The following PCDH15 variants were observed in gnomAD, a reference collection of about 807,000 sequenced individuals.
The protein encoded by PCDH15 is protocadherin-15.
In PCDH15, 129 loss-of-function variants were observed where a neutral mutation model predicts 178.5. The ratio of observed to expected loss-of-function variants is 0.72; its 90% CI spans 0.63 to 0.84. The LOEUF is 0.84. Ranked by LOEUF, PCDH15 falls within the 40% of genes least tolerant of loss-of-function variation. The pLI, the probability that PCDH15 is intolerant of heterozygous loss-of-function variation, is 0.00. For synonymous variants in PCDH15, 800 were observed against 732.0 expected (o/e 1.09, Z -1.50); for missense variants, 2,230 against 2,099.9 (o/e 1.06, Z -1.21).
chr10:54,496,432 C>A (rs2080117846), intron 3 of PCDH15, among the ~76,000 whole-genome samples: 1 of 152,064 alleles, frequency 6.6e-6, no homozygotes, highest in African/African-American at 2.4e-5. Context: ...AACCATGAAA[C>A]AAGTCACACA....
intron 1 of PCDH15, among the ~76,000 whole-genome samples, chr10:55,225,949 T>C (rs911483478): frequency 2.6e-5 from 4 of 152,048 alleles, no homozygotes; most frequent in African/African-American, 4.8e-5. Context: ...TGAAAGCACA[T>C]CCATAATGGT....
intron 1 of PCDH15, among the ~76,000 whole-genome samples, chr10:54,787,512 T>C (rs1179618485): frequency 6.6e-6 from 1 of 151,998 alleles, no homozygotes; most frequent in Non-Finnish European, 1.5e-5. Context: ...TCACTTCAGT[T>C]ACTCTTAAGT....
rs145556582 is a variant in PCDH15, at chr10:54,221,985, T to G, written c.986-7937A>C. Among the ~76,000 whole-genome samples, 552 of 152,352 alleles carry G rather than the reference T, an allele frequency of 3.6e-3. 3 individuals carry two copies. Among genetic ancestry groups the G allele is most frequent in the African/African-American group, 0.013 (520 of 41,586 alleles). On this transcript the variant is annotated intron_variant, in intron 9 of 37. Transcript: ENST00000644397. ...TTTGAAGTCCATGTTGTTTCATTTA[T>G]CAATAGTTTATTTATTTCTATTGCC...
intron 15 of PCDH15, among the ~76,000 whole-genome samples, chr10:54,117,600 C>A (rs1169402126): frequency 1.3e-5 from 2 of 152,166 alleles, no homozygotes; most frequent in Non-Finnish European, 2.9e-5. Context: ...GGTACATAGA[C>A]AAATGGAGGG....
chr10:55,350,266 T>TATATATATATAC (rs1844885854), intron 2 of PCDH15, among the ~76,000 whole-genome samples: 1 of 58,992 alleles, frequency 1.7e-5, no homozygotes, highest in Non-Finnish European at 3.0e-5. Flanking sequence ...TATATATATA[T>TATATATATATAC]ATACACACAC....
At chr10:54,090,177 G>A (rs1431644239) in intron 15 of PCDH15, 114 bp from the exon 16 acceptor site, 1 of 831,768 alleles carries the variant, frequency 1.2e-6, no homozygotes, top group Non-Finnish European at 2.0e-6. Context: ...CACTGTTAAA[G>A]AATAAAGATT....
intron 2 of PCDH15, among the ~76,000 whole-genome samples, chr10:55,359,205 A>G (rs73255735): frequency 0.06 from 9,147 of 151,968 alleles, 634 homozygotes; most frequent in African/African-American, 0.17. Flanking sequence ...TCAAAAAAAA[A>G]AGTAAAATAA....
intron 2 of PCDH15, among the ~76,000 whole-genome samples, chr10:55,498,199 G>A (rs777982318): frequency 2.6e-5 from 4 of 151,750 alleles, no homozygotes; most frequent in Non-Finnish European, 5.9e-5. Flanking sequence ...TTTAAGTTTC[G>A]TTCTGTGTCT....
intron 3 of PCDH15, among the ~76,000 whole-genome samples, chr10:54,394,987 C>A (rs534682013): frequency 6.6e-6 from 1 of 152,216 alleles, no homozygotes; most frequent in African/African-American, 2.4e-5. Context: ...CGAACAATTG[C>A]TGTTATCCTG....
Position 53,940,946 on chromosome 10 carries a change from T to G in PCDH15, c.3152A>C (p.Lys1051Thr). The change falls in exon 24 of 38, where the codon AAA becomes ACA. Residue 1051 changes from lysine (K) to threonine (T), a missense_variant. Transcript: ENST00000644397. ...AGAAATTACACCAACCATGGTCCCT[T>G]TGGTGGCAAGTTCACTTACTGGAGG... ...RPPPVSELAT[K>T]GTMVGVISAA... The G allele has an allele frequency of 6.2e-7, 1 of 1,613,524 alleles. No individual in the cohort carries two copies. Among genetic ancestry groups the G allele is most frequent in the Non-Finnish European group, 8.5e-7 (1 of 1,179,500 alleles).
At chr10:54,825,205 A>T (rs1217497866) in intron 3 of PCDH15, among the ~76,000 whole-genome samples, 1 of 151,908 alleles carries the variant, frequency 6.6e-6, no homozygotes, top group African/African-American at 2.4e-5. Flanking sequence ...ACATGAACTC[A>T]TCATTTTTTA....
At chr10:55,284,195 C>G (rs1222244922) in intron 1 of PCDH15, among the ~76,000 whole-genome samples, 3 of 146,264 alleles carry the variant, frequency 2.1e-5, no homozygotes, top group Admixed American at 1.3e-4. Flanking sequence ...GCTACTCAGG[C>G]CTATGCTATT....
chr10:54,129,115 T>C (rs931694601), intron 15 of PCDH15, among the ~76,000 whole-genome samples: 5 of 152,154 alleles, frequency 3.3e-5, no homozygotes, highest in African/African-American at 9.7e-5. Flanking sequence ...TTCCCGATAA[T>C]AATGATAATA....
At chr10:54,445,304 A>C (rs2076079115) in intron 3 of PCDH15, among the ~76,000 whole-genome samples, 1 of 151,528 alleles carries the variant, frequency 6.6e-6, no homozygotes, top group Admixed American at 6.6e-5. Context: ...GAATATAAGC[A>C]CATCTTTCTT....
chr10:55,077,187 T>C (rs1286982290), intron 2 of PCDH15, among the ~76,000 whole-genome samples: 1 of 152,104 alleles, frequency 6.6e-6, no homozygotes, highest in Non-Finnish European at 1.5e-5. Flanking sequence ...TTATACTGTT[T>C]CTTGTAGGCA....
chr10:54,229,772 G>A (rs2053862222), intron 9 of PCDH15, among the ~76,000 whole-genome samples: 1 of 152,056 alleles, frequency 6.6e-6, no homozygotes, highest in Admixed American at 6.6e-5. Flanking sequence ...TGTAAATTAT[G>A]TAGTCTCAGG....
At chr10:55,124,479 C>G (rs2132069868) in intron 2 of PCDH15, among the ~76,000 whole-genome samples, 1 of 152,150 alleles carries the variant, frequency 6.6e-6, no homozygotes, top group African/African-American at 2.4e-5. Flanking sequence ...TAGAATAGAG[C>G]TAAACCCACA....
intron 2 of PCDH15, among the ~76,000 whole-genome samples, chr10:54,627,488 C>T (rs1408869512): frequency 6.6e-6 from 1 of 152,146 alleles, no homozygotes; most frequent in Non-Finnish European, 1.5e-5. Context: ...CTCTCTTTGC[C>T]TGCTGCCATC....
chr10:54,838,825 T>C (rs941576566), intron 3 of PCDH15, among the ~76,000 whole-genome samples: 2 of 152,152 alleles, frequency 1.3e-5, no homozygotes, highest in African/African-American at 4.8e-5. Context: ...AGCTGCAATC[T>C]GGAAGCAGTT....
Sources: gnomAD v4.1 joint callset for allele counts (sites outside exome capture counted in the v4.1 genomes callset) on GRCh38, gnomAD v4.1.1 for gene constraint, MANE v1.5 for transcripts, NCBI Gene and HGNC (gene_info 2026-07-23, HGNC 2026-07-21) for gene names.